Variants in CLECL1 observed in about 807,000 individuals in gnomAD.
CLECL1 encodes C-type lectin like 1.
downstream of CLECL1, among the ~76,000 whole-genome samples, chr12:9,720,502 C>T (rs747393346): frequency 2.6e-5 from 4 of 152,130 alleles, no homozygotes; most frequent in Admixed American, 6.5e-5. Flanking sequence ...CCACCACACC[C>T]GGCTAATTTT....
chr12:9,704,922 C>T, the CLECL1 span, among the ~76,000 whole-genome samples: 1,398 of 152,228 alleles, frequency 9.2e-3, 16 homozygotes, highest in African/African-American at 0.029. Context: ...TTTGGGTATA[C>T]GCCCAGTAAT....
the CLECL1 span, chr12:9,703,994 A>G: frequency 1.3e-5 from 2 of 152,168 alleles, no homozygotes; most frequent in South Asian, 4.1e-4. Context: ...AATTGAATAC[A>G]TTTATAAGTT....
exon 1 of CLECL1, chr12:9,732,991 G>A (rs762833109): frequency 8.7e-6 from 14 of 1,612,510 alleles, no homozygotes; most frequent in African/African-American, 1.3e-5. Context: ...GGGGAAGTCC[G>A]AACAGTTTTG....
chr12:9,708,186 T>C, the CLECL1 span, among the ~76,000 whole-genome samples: 3 of 152,208 alleles, frequency 2.0e-5, no homozygotes, highest in African/African-American at 7.2e-5. Context: ...AAATCTGGTC[T>C]GAACTGGGGG....
At chr12:9,719,507 A>G (rs147854754), downstream of CLECL1, among the ~76,000 whole-genome samples, 4,572 of 152,274 alleles carry the variant, frequency 0.03, 82 homozygotes, top group Non-Finnish European at 0.037. Context: ...GCCTGGGCGA[A>G]AGAGCGAGAC....
intron 3 of CLECL1, among the ~76,000 whole-genome samples, chr12:9,723,673 A>G (rs1217647718): frequency 1.3e-5 from 2 of 152,214 alleles, no homozygotes; most frequent in African/African-American, 2.4e-5. Flanking sequence ...GAACAGAGTT[A>G]AGAGAAACCA....
downstream of CLECL1, among the ~76,000 whole-genome samples, chr12:9,710,910 A>C (rs1235171112): frequency 6.6e-6 from 1 of 152,134 alleles, no homozygotes; most frequent in African/African-American, 2.4e-5. Flanking sequence ...CCTTGCACTC[A>C]TTCTCCAAGC....
At chr12:9,716,713 C>G in exon 3 of CLECL1, 1 of 1,187,060 alleles carries the variant, frequency 8.4e-7, no homozygotes, top group Non-Finnish European at 1.1e-6. Flanking sequence ...TGCCTGTAGC[C>G]TCTGTCTCCT....
At chr12:9,722,748 T>A (rs747120013) in exon 4 of CLECL1, 47 of 1,614,022 alleles carry the variant, frequency 2.9e-5, no homozygotes, top group Non-Finnish European at 3.8e-5. Context: ...CAGTAACATT[T>A]TCCCTTATGC....
chr12:9,718,794 G>A (rs932942390), downstream of CLECL1: 23 of 697,294 alleles, frequency 3.3e-5, no homozygotes, highest in African/African-American at 3.0e-4. Context: ...AAGGAGAGAT[G>A]CCTCAGAAGA....
At chr12:9,706,750 A>C in the CLECL1 span, among the ~76,000 whole-genome samples, 1 of 152,194 alleles carries the variant, frequency 6.6e-6, no homozygotes, top group Non-Finnish European at 1.5e-5. Context: ...TGCTGGATTC[A>C]GTTTGTCAGT....
downstream of CLECL1, among the ~76,000 whole-genome samples, chr12:9,720,467 C>T (rs1006512477): frequency 1.3e-5 from 2 of 151,908 alleles, no homozygotes; most frequent in East Asian, 1.9e-4. Flanking sequence ...CTTAGCCTCC[C>T]GAGTAGCTGG....
At chr12:9,715,357 G>A (rs748129821), downstream of CLECL1, among the ~76,000 whole-genome samples, 11 of 152,006 alleles carry the variant, frequency 7.2e-5, no homozygotes, top group Non-Finnish European at 1.3e-4. Flanking sequence ...CTTTACTTGC[G>A]TCACTTAGAG....
At chr12:9,718,002 T>A (rs1214596415), downstream of CLECL1, among the ~76,000 whole-genome samples, 1 of 152,190 alleles carries the variant, frequency 6.6e-6, no homozygotes, top group Non-Finnish European at 1.5e-5. Flanking sequence ...TGCTTTATAT[T>A]GTTATTTTTA....
chr12:9,732,823 C>T, intron 1 of CLECL1, 126 bp downstream of exon 1: 1 of 714,928 alleles, frequency 1.4e-6, no homozygotes, highest in Non-Finnish European at 2.2e-6. Flanking sequence ...TTATTCTTAG[C>T]ATTCAATGAA....
At chr12:9,722,707 T>C in exon 4 of CLECL1, 1 of 1,614,016 alleles carries the variant, frequency 6.2e-7, no homozygotes, top group Non-Finnish European at 8.5e-7. Flanking sequence ...CATTTTGACT[T>C]TTGTTCCAAG....
downstream of CLECL1, chr12:9,718,840 T>C (rs1866270835): frequency 1.5e-6 from 1 of 670,090 alleles, no homozygotes; most frequent in Non-Finnish European, 2.7e-6. Flanking sequence ...CTTGGACTTC[T>C]AGGCTTTAGC....
the CLECL1 span, among the ~76,000 whole-genome samples, chr12:9,704,483 A>G: frequency 2.2e-4 from 33 of 152,242 alleles, 1 homozygote; most frequent in East Asian, 6.4e-3. Context: ...CATGTCATGG[A>G]GATTTATTGT....
chr12:9,716,899 C>T (rs1375880942), intron 2 of CLECL1: 1 of 452,126 alleles, frequency 2.2e-6, no homozygotes, highest in African/African-American at 2.1e-5. Context: ...CTTAGAATCA[C>T]ATGAGAAGTA....
Sources: gnomAD v4.1 joint callset for allele counts (sites outside exome capture counted in the v4.1 genomes callset) on GRCh38, gnomAD v4.1.1 for gene constraint, MANE v1.5 for transcripts, NCBI Gene and HGNC (gene_info 2026-07-23, HGNC 2026-07-21) for gene names.